Variants in PRKAG2 observed in about 807,000 individuals in gnomAD.
PRKAG2 encodes the protein 5'-AMP-activated protein kinase subunit gamma-2.
PRKAG2 carries 26 observed loss-of-function variants against 69.6 expected under a neutral mutation model. That is an observed-to-expected ratio of 0.37 (90% CI 0.27 to 0.52). The LOEUF (loss-of-function observed/expected upper bound fraction) is 0.52, where lower values mean the gene tolerates loss of function less well. PRKAG2 is among the 20% of genes least tolerant of loss of function. PRKAG2 has a pLI of 0.90. For synonymous variants in PRKAG2, 293 were observed against 285.0 expected (o/e 1.03, Z -0.28); for missense variants, 557 against 740.0 (o/e 0.75, Z 2.87).
chr7:151,603,079 TCA>T (rs1816523160), intron 5 of PRKAG2, among the ~76,000 whole-genome samples: 3 of 152,058 alleles, frequency 2.0e-5, no homozygotes, highest in South Asian at 2.1e-4. Flanking sequence ...ATTCTCATCA[TCA>T]CACGGAGGCA....
At chr7:151,580,231 C>T (rs1810038664) in intron 6 of PRKAG2, among the ~76,000 whole-genome samples, 1 of 152,146 alleles carries the variant, frequency 6.6e-6, no homozygotes, top group African/African-American at 2.4e-5. Flanking sequence ...CCTGTGATCC[C>T]AGCTACTTGG....
At chr7:151,669,696 G>A (rs976021161) in intron 4 of PRKAG2, among the ~76,000 whole-genome samples, 1 of 143,184 alleles carries the variant, frequency 7.0e-6, no homozygotes, top group African/African-American at 2.6e-5. Flanking sequence ...ACTTAAATGT[G>A]CCACAGGCGC....
chr7:151,569,922 A>G (rs2151013442), intron 10 of PRKAG2, among the ~76,000 whole-genome samples: 1 of 152,262 alleles, frequency 6.6e-6, no homozygotes, highest in South Asian at 2.1e-4. Context: ...CGCCCCCCAG[A>G]TTGGCCGAGA....
chr7:151,616,285 CATGCACAT>C (rs1467678247), intron 5 of PRKAG2, among the ~76,000 whole-genome samples: 2 of 152,188 alleles, frequency 1.3e-5, no homozygotes, highest in Non-Finnish European at 2.9e-5. Flanking sequence ...TGCATGCACA[CATGCACAT>C]ATGCACACAG....
chr7:151,620,959 C>G (rs1821353386), intron 5 of PRKAG2, among the ~76,000 whole-genome samples: 1 of 152,018 alleles, frequency 6.6e-6, no homozygotes, highest in South Asian at 2.1e-4. Flanking sequence ...ATTACCTGAG[C>G]CGCCCACCTT....
Position 151,781,533 on chromosome 7 carries a change from C to T in PRKAG2, c.187-102G>A, listed in dbSNP as rs2076670670. 6 of 1,356,558 alleles carry T rather than the reference C, an allele frequency of 4.4e-6. No individual in the cohort carries two copies. The highest frequency in any genetic ancestry group is 6.1e-6 in the Non-Finnish European group (6 of 986,332). The allele number at this position is 1,356,558 out of a possible 1,614,324, so 84.0% of individuals were successfully genotyped here. A position where few individuals can be genotyped will look rare whatever the true frequency, so the allele number is the denominator to read the frequency against. On this transcript the variant is annotated intron_variant, in intron 2 of 15. Coordinates refer to ENST00000287878, the MANE Select transcript of PRKAG2 (RefSeq NM_016203.4). The surrounding 1 kb of genome is among the most constrained non-coding windows in gnomAD (Gnocchi z 6.1). ...CATTGTCCTCTCTCACATGCGGGCCCCCCATAGTACCCTCCCAGAGAAACA... is the reference window on the plus strand; with the variant it reads ...CATTGTCCTCTCTCACATGCGGGCCTCCCATAGTACCCTCCCAGAGAAACA...
intron 3 of PRKAG2, among the ~76,000 whole-genome samples, chr7:151,696,661 CAG>C (rs946136117): frequency 2.6e-5 from 4 of 152,238 alleles, no homozygotes; most frequent in African/African-American, 9.6e-5. Context: ...CTTTCAAAAG[CAG>C]AGAGTCTGGG....
intron 3 of PRKAG2, among the ~76,000 whole-genome samples, chr7:151,750,096 CAAA>C (rs35915808): frequency 4.8e-5 from 3 of 63,036 alleles, no homozygotes; most frequent in African/African-American, 5.3e-5. Flanking sequence ...GACTCCATCT[CAAA>C]AAAAAAAAAA....
chr7:151,766,196 C>T (rs1033499057), intron 3 of PRKAG2, among the ~76,000 whole-genome samples: 1 of 152,202 alleles, frequency 6.6e-6, no homozygotes, highest in Non-Finnish European at 1.5e-5. Flanking sequence ...CTCACATATG[C>T]GCTGCACGAG....
intron 2 of PRKAG2, among the ~76,000 whole-genome samples, chr7:151,786,132 A>T (rs2076993356): frequency 6.6e-6 from 1 of 152,214 alleles, no homozygotes; most frequent in Non-Finnish European, 1.5e-5. Context: ...GATGGTCGGC[A>T]GTGACCGATA....
intron 4 of PRKAG2, among the ~76,000 whole-genome samples, chr7:151,666,446 G>C (rs1486825405): frequency 2.0e-5 from 3 of 152,190 alleles, no homozygotes; most frequent in Non-Finnish European, 4.4e-5. Flanking sequence ...CCAGAACCGT[G>C]ACACATCAAC....
chr7:151,802,221 G>T (rs1434260630), intron 1 of PRKAG2, among the ~76,000 whole-genome samples: 1 of 152,202 alleles, frequency 6.6e-6, no homozygotes, highest in African/African-American at 2.4e-5. Context: ...GGCATTGCCA[G>T]TGCTTCTGGT....
chr7:151,588,049 T>C (rs901893766), intron 6 of PRKAG2, among the ~76,000 whole-genome samples: 1 of 152,196 alleles, frequency 6.6e-6, no homozygotes, highest in Non-Finnish European at 1.5e-5. Flanking sequence ...TGTAGAGTAT[T>C]GCTAAAAGAA....
chr7:151,691,828 T>C (rs1001650072), intron 3 of PRKAG2, among the ~76,000 whole-genome samples: 1 of 152,252 alleles, frequency 6.6e-6, no homozygotes, highest in Admixed American at 6.5e-5. Flanking sequence ...ATATGAAACC[T>C]TGTTCACACA....
At chr7:151,768,164 C>T (rs2075837119) in intron 3 of PRKAG2, among the ~76,000 whole-genome samples, 1 of 152,138 alleles carries the variant, frequency 6.6e-6, no homozygotes, top group African/African-American at 2.4e-5. Context: ...GGATCCATAG[C>T]CATCATCAAG....
At chr7:151,629,531 T>C (rs1039188447) in intron 5 of PRKAG2, among the ~76,000 whole-genome samples, 1 of 151,972 alleles carries the variant, frequency 6.6e-6, no homozygotes, top group East Asian at 1.9e-4. Flanking sequence ...GTAAGAAGGG[T>C]TGACAGCAGA....
chr7:151,734,876 G>A (rs1388959218), intron 3 of PRKAG2, among the ~76,000 whole-genome samples: 2 of 112,840 alleles, frequency 1.8e-5, no homozygotes, highest in East Asian at 5.1e-4. Context: ...TTTTTTTGAG[G>A]CAGAGTCTTG....
At chr7:151,864,488 A>T (rs9640302) in intron 1 of PRKAG2, among the ~76,000 whole-genome samples, 3 of 152,128 alleles carry the variant, frequency 2.0e-5, no homozygotes, top group Admixed American at 6.5e-5. Context: ...GCAACCCTAG[A>T]GGGGAGGTCT....
At chr7:151,782,434 AAGG>A (rs2076767396) in intron 2 of PRKAG2, among the ~76,000 whole-genome samples, 3 of 151,582 alleles carry the variant, frequency 2.0e-5, no homozygotes, top group Non-Finnish European at 2.9e-5. Context: ...GGAAAGAAAG[AAGG>A]AAAGAAGGAA....
Sources: allele counts gnomAD v4.1 joint callset (sites outside exome capture counted in the v4.1 genomes callset), GRCh38; gene constraint gnomAD v4.1.1; non-coding constraint Gnocchi (gnomAD v3.1); transcripts MANE v1.5; gene names NCBI Gene and HGNC (gene_info 2026-07-23, HGNC 2026-07-21).